The following MYRFL variants were observed in gnomAD, a reference collection of about 807,000 sequenced individuals.
MYRFL encodes myelin regulatory factor like.
In MYRFL, 88 loss-of-function variants were observed where a neutral mutation model predicts 109.4. The ratio of observed to expected loss-of-function variants is 0.80; its 90% CI spans 0.68 to 0.96. The LOEUF is 0.96. Among genes scored for constraint, MYRFL ranks in the 40% least tolerant of loss-of-function variants. The pLI is 0.00. For synonymous variants in MYRFL, 324 were observed against 320.9 expected (o/e 1.01, Z -0.10); for missense variants, 957 against 954.9 (o/e 1.00, Z -0.03).
chr12:69,901,681 T>C (rs1954186556), intron 10 of MYRFL, among the ~76,000 whole-genome samples: 1 of 152,214 alleles, frequency 6.6e-6, no homozygotes, highest in South Asian at 2.1e-4. Flanking sequence ...TTATATGGCA[T>C]ACCTTTGGAT....
chr12:69,875,646 G>A (rs765414864), intron 2 of MYRFL, among the ~76,000 whole-genome samples: 4 of 152,316 alleles, frequency 2.6e-5, no homozygotes, highest in Admixed American at 1.3e-4. Context: ...GATCAGCAGC[G>A]GCATTAGAGC....
At chr12:69,937,079 G>T (rs909794328) in intron 19 of MYRFL, among the ~76,000 whole-genome samples, 2 of 152,072 alleles carry the variant, frequency 1.3e-5, no homozygotes, top group Non-Finnish European at 2.9e-5. Flanking sequence ...AAAAACACAA[G>T]ACTGGCATTC....
chr12:69,883,317 C>T (rs1419315123), intron 5 of MYRFL, among the ~76,000 whole-genome samples: 1 of 152,184 alleles, frequency 6.6e-6, no homozygotes, highest in Admixed American at 6.5e-5. Flanking sequence ...TGTCCTGCAA[C>T]CCATAGATTC....
Position 69,955,365 on chromosome 12 carries a change from C to A in MYRFL, c.2378C>A (p.Ser793Tyr). 1.6e-6 allele frequency: 1 copy of A among 634,966 alleles called. No individual in the cohort carries two copies. Among genetic ancestry groups the A allele is most frequent in the South Asian group, 1.9e-5 (1 of 53,694 alleles). The allele number at this position is 634,966 out of a possible 1,614,324, so 39.3% of individuals were successfully genotyped here. ...TTTTATTTTCTTTCCATAATTAGAT[C>A]TGGAAATTATAATTACAATATTCCT... is the stretch of plus-strand genomic sequence containing the variant. Reference protein sequence around the residue: ...QYCIQSLQCGSGNYNYNIPVN... With the variant: ...QYCIQSLQCGYGNYNYNIPVN... The change falls in exon 22 of 25, where the codon TCT becomes TAT. Residue 793 changes from serine to tyrosine, a missense_variant and splice_region_variant. Transcript: ENST00000552032.
At chr12:69,872,998 ACCT>A (rs1376075819) in intron 2 of MYRFL, among the ~76,000 whole-genome samples, 1 of 152,010 alleles carries the variant, frequency 6.6e-6, no homozygotes, top group Non-Finnish European at 1.5e-5. Context: ...TGCACAATAG[ACCT>A]CCTTATTCAT....
intron 7 of MYRFL, among the ~76,000 whole-genome samples, chr12:69,891,767 T>A (rs1019051339): frequency 6.6e-6 from 1 of 151,518 alleles, no homozygotes; most frequent in Middle Eastern, 3.2e-3. Flanking sequence ...AGCATGATTA[T>A]GCCTCATTGC....
intron 22 of MYRFL, among the ~76,000 whole-genome samples, chr12:69,955,756 A>G (rs1378538858): frequency 3.9e-5 from 6 of 152,154 alleles, no homozygotes. Context: ...TGGAATGGCA[A>G]CAAGAGTAAT....
At chr12:69,860,608 T>C (rs1245182474) in intron 2 of MYRFL, among the ~76,000 whole-genome samples, 1 of 152,084 alleles carries the variant, frequency 6.6e-6, no homozygotes, top group African/African-American at 2.4e-5. Context: ...TTAAAAAATG[T>C]TCATCCCCTC....
At chr12:69,907,523 C>T (rs1177598661) in intron 11 of MYRFL, among the ~76,000 whole-genome samples, 1 of 152,074 alleles carries the variant, frequency 6.6e-6, no homozygotes, top group Admixed American at 6.5e-5. Context: ...AGGGATTGGG[C>T]ATAGGACTCA....
chr12:69,878,105 TG>T (rs561756301), intron 2 of MYRFL, among the ~76,000 whole-genome samples: 150 of 152,008 alleles, frequency 9.9e-4, no homozygotes, highest in Admixed American at 3.0e-3. Flanking sequence ...TAACCAGGTG[TG>T]GTGGCAGGCG....
intron 1 of MYRFL, among the ~76,000 whole-genome samples, chr12:69,846,152 G>T (rs1883527668): frequency 1.2e-5 from 1 of 80,594 alleles, no homozygotes; most frequent in African/African-American, 4.7e-5. Context: ...CACAGTACTA[G>T]ATACTTTTGT....
chr12:69,927,755 A>G lies in MYRFL; in HGVS notation c.1830+7A>G. On this transcript the variant is annotated splice_region_variant and intron_variant, in intron 15 of 24. Coordinates refer to ENST00000552032, the MANE Select transcript of MYRFL (RefSeq NM_182530.3). ...TCATAAAAAAAACAACAAGGTAAATAGACACATTTACAATGAAAGGAAATG... is the reference window on the plus strand; with the variant it reads ...TCATAAAAAAAACAACAAGGTAAATGGACACATTTACAATGAAAGGAAATG... 1.3e-6 allele frequency: 2 copies of G among 1,527,204 alleles called. No individual in the cohort carries two copies. Among genetic ancestry groups the G allele is most frequent in the Admixed American group, 2.0e-5 (1 of 50,256 alleles). The allele number at this position is 1,527,204 out of a possible 1,614,324, so 94.6% of individuals were successfully genotyped here.
At chr12:69,938,268 T>G (rs1186170467) in intron 19 of MYRFL, among the ~76,000 whole-genome samples, 2 of 152,252 alleles carry the variant, frequency 1.3e-5, no homozygotes, top group African/African-American at 4.8e-5. Flanking sequence ...CTTTTCTTAC[T>G]TTGGGAGCCC....
At chr12:69,853,824 G>A (rs1317752010) in intron 1 of MYRFL, among the ~76,000 whole-genome samples, 4 of 151,490 alleles carry the variant, frequency 2.6e-5, no homozygotes, top group African/African-American at 7.3e-5. Flanking sequence ...CTTCCCAGAC[G>A]GGATCGCGGC....
At chr12:69,827,681 TATTA>T (rs1341809266) in intron 1 of MYRFL, among the ~76,000 whole-genome samples, 3 of 152,142 alleles carry the variant, frequency 2.0e-5, no homozygotes, top group African/African-American at 7.2e-5. Context: ...GTGGTGGATT[TATTA>T]ATTATGGTTC....
chr12:69,878,800 C>T (rs1885854766), intron 2 of MYRFL, among the ~76,000 whole-genome samples: 1 of 151,964 alleles, frequency 6.6e-6, no homozygotes, highest in African/African-American at 2.4e-5. Context: ...TTCATGGATA[C>T]ACAGCTAGGA....
chr12:69,865,796 G>T (rs1017940560), intron 2 of MYRFL, among the ~76,000 whole-genome samples: 1 of 152,120 alleles, frequency 6.6e-6, no homozygotes. Context: ...TTCAGGACTG[G>T]TTTGCCCAAG....
chr12:69,900,649 C>A (rs1309891864), intron 10 of MYRFL, among the ~76,000 whole-genome samples: 1 of 152,166 alleles, frequency 6.6e-6, no homozygotes, highest in Non-Finnish European at 1.5e-5. Context: ...AATGGACTTC[C>A]TAAGAGCTGC....
At chr12:69,825,648 C>A in intron 1 of MYRFL, 85 bp downstream of exon 1, 1 of 667,858 alleles carries the variant, frequency 1.5e-6, no homozygotes, top group Non-Finnish European at 2.7e-6. Flanking sequence ...TTCACTTAAA[C>A]TTTGTTTTGA....
Sources: gnomAD v4.1 joint callset for allele counts (sites outside exome capture counted in the v4.1 genomes callset) on GRCh38, gnomAD v4.1.1 for gene constraint, MANE v1.5 for transcripts, NCBI Gene and HGNC (gene_info 2026-07-23, HGNC 2026-07-21) for gene names.